Variants in COG5 observed in about 807,000 individuals in gnomAD.
COG5 encodes component of oligomeric golgi complex 5, also known as conserved oligomeric Golgi complex subunit 5.
A neutral mutation model predicts 110.4 loss-of-function variants in COG5; 86 were observed. The ratio of observed to expected loss-of-function variants is 0.78; its 90% CI spans 0.65 to 0.93. The LOEUF is 0.93. Ranked by LOEUF, COG5 falls within the 40% of genes least tolerant of loss-of-function variation. The pLI is 0.00. For missense variants in COG5, 1,077 were observed against 987.0 expected, an observed-to-expected ratio of 1.09 and a Z score of -1.22; for synonymous variants, 360 against 334.6, an observed-to-expected ratio of 1.08 and a Z score of -0.83.
intron 6 of COG5, among the ~76,000 whole-genome samples, chr7:107,420,043 G>C: frequency 6.6e-6 from 1 of 152,052 alleles, no homozygotes; most frequent in East Asian, 1.9e-4. Context: ...TTTAAAATAT[G>C]TAAAAATATA....
At chr7:107,354,547 G>C (rs1812461853) in intron 10 of COG5, among the ~76,000 whole-genome samples, 1 of 152,122 alleles carries the variant, frequency 6.6e-6, no homozygotes, top group South Asian at 2.1e-4. Context: ...ATGGTGGTGG[G>C]TGCATGTAAT....
chr7:107,376,816 A>C (rs1211507932), intron 7 of COG5, among the ~76,000 whole-genome samples: 2 of 152,082 alleles, frequency 1.3e-5, no homozygotes, highest in Non-Finnish European at 2.9e-5. Context: ...TGGCTTGCTA[A>C]GAGTATTTTT....
chr7:107,536,800 G>A (rs774856025), intron 5 of COG5, among the ~76,000 whole-genome samples: 7 of 152,128 alleles, frequency 4.6e-5, no homozygotes, highest in Non-Finnish European at 1.0e-4. Context: ...AGCCCATATA[G>A]CCAAGGCAAT....
At chr7:107,223,377 G>C (rs1452757388) in intron 19 of COG5, among the ~76,000 whole-genome samples, 1 of 152,210 alleles carries the variant, frequency 6.6e-6, no homozygotes, top group Non-Finnish European at 1.5e-5. Context: ...TCCCAGGAGA[G>C]AATGAAGCAG....
At position 107,391,606 on chromosome 7, in the gene COG5, T is replaced by C. The variant is rs143279333; in HGVS notation, c.670-18846A>G. ...CCTATGTTTTCTTCTAAAAGTTGTA[T>C]AGTTTCAAGTCTTACCTTTAGGTCT... On this transcript the variant is annotated intron_variant, in intron 7 of 21. Transcript: ENST00000297135. Among the ~76,000 whole-genome samples, 1,430 of 152,322 alleles carry C rather than the reference T, an allele frequency of 9.4e-3. 25 individuals carry two copies. The highest frequency in any genetic ancestry group is 0.032 in the African/African-American group (1,330 of 41,566).
At chr7:107,512,423 C>T (rs1428264059) in intron 6 of COG5, among the ~76,000 whole-genome samples, 5 of 152,298 alleles carry the variant, frequency 3.3e-5, no homozygotes, top group African/African-American at 1.2e-4. Context: ...AAGAACATTC[C>T]ATGCTCATGG....
At chr7:107,470,111 C>T (rs1796546091) in intron 6 of COG5, 1 of 152,116 alleles carries the variant, frequency 6.6e-6, no homozygotes, top group African/African-American at 2.4e-5. Flanking sequence ...AGTGCCGTTC[C>T]TTTTTAGAAA....
At chr7:107,208,067 A>C in intron 21 of COG5, 2 of 985,442 alleles carry the variant, frequency 2.0e-6, no homozygotes, top group South Asian at 9.4e-5. Context: ...TTCAGTATGC[A>C]AGAACAAAAT....
chr7:107,554,237 AT>A (rs1803129797), intron 3 of COG5, 47 bp downstream of exon 3: 1 of 1,561,372 alleles, frequency 6.4e-7, no homozygotes, highest in Non-Finnish European at 8.8e-7. Flanking sequence ...AAGCTTGCCA[AT>A]CCCTGGTCTA....
intron 5 of COG5, among the ~76,000 whole-genome samples, chr7:107,541,533 T>C (rs1802029973): frequency 8.2e-6 from 1 of 121,302 alleles, no homozygotes; most frequent in Non-Finnish European, 1.7e-5. Flanking sequence ...AATATATATA[T>C]ATATATATAT....
At chr7:107,298,386 A>G in intron 11 of COG5, 40 bp from the exon 12 acceptor site, 2 of 1,493,698 alleles carry the variant, frequency 1.3e-6, no homozygotes, top group Non-Finnish European at 1.8e-6. Flanking sequence ...AAAAATAATA[A>G]AATGTAGTAA....
chr7:107,357,308 C>T (rs1179840306), intron 10 of COG5, among the ~76,000 whole-genome samples: 1 of 151,950 alleles, frequency 6.6e-6, no homozygotes, highest in African/African-American at 2.4e-5. Flanking sequence ...CTCTGGAATT[C>T]CCAAGTATGG....
chr7:107,230,584 A>C, intron 19 of COG5, 31 bp downstream of exon 19: 1 of 1,488,434 alleles, frequency 6.7e-7, no homozygotes, highest in Non-Finnish European at 9.4e-7. Context: ...CCTGGAGGAT[A>C]TGAATGTATG....
At chr7:107,431,816 T>C (rs1794045423) in intron 6 of COG5, among the ~76,000 whole-genome samples, 1 of 151,916 alleles carries the variant, frequency 6.6e-6, no homozygotes, top group Non-Finnish European at 1.5e-5. Context: ...CCACCACACC[T>C]AGCTAATTTT....
intron 6 of COG5, among the ~76,000 whole-genome samples, chr7:107,523,028 A>C (rs1800449502): frequency 6.6e-6 from 1 of 152,136 alleles, no homozygotes; most frequent in Non-Finnish European, 1.5e-5. Flanking sequence ...TTTTAAAATC[A>C]GCTTGTCAAT....
rs1793282565 is a variant in COG5, at chr7:107,421,440, C to G, written c.539-8808G>C. 1.3e-5 allele frequency among the ~76,000 whole-genome samples: 2 copies of G among 152,126 alleles called. 1 individual carries two copies. Among genetic ancestry groups the G allele is most frequent in the South Asian group, 4.1e-4 (2 of 4,830 alleles). On this transcript the variant is annotated intron_variant, in intron 6 of 21. Coordinates refer to ENST00000297135, the MANE Select transcript of COG5 (RefSeq NM_006348.5). ...CACATGGAACATTATCCAATATAGA[C>G]CATGTTCTGGGTCACAAAACAAACC...
chr7:107,319,385 A>G (rs1809046744), intron 11 of COG5, among the ~76,000 whole-genome samples: 1 of 152,164 alleles, frequency 6.6e-6, no homozygotes, highest in South Asian at 2.1e-4. Context: ...ATGTGATACT[A>G]TATTGTTAAG....
intron 11 of COG5, among the ~76,000 whole-genome samples, chr7:107,301,847 C>CT (rs1807294938): frequency 6.6e-6 from 1 of 151,744 alleles, no homozygotes. Context: ...CCAGCCTGGG[C>CT]AACATAGTGA....
chr7:107,343,844 C>T (rs1350175467), intron 10 of COG5, among the ~76,000 whole-genome samples: 1 of 151,370 alleles, frequency 6.6e-6, no homozygotes, highest in Non-Finnish European at 1.5e-5. Flanking sequence ...GGTATATTAC[C>T]AATGATGAGT....
Sources: gnomAD v4.1 joint callset for allele counts (sites outside exome capture counted in the v4.1 genomes callset) on GRCh38, gnomAD v4.1.1 for gene constraint, MANE v1.5 for transcripts, NCBI Gene and HGNC (gene_info 2026-07-23, HGNC 2026-07-21) for gene names.